Variants in TYR observed in about 807,000 individuals in gnomAD.
TYR encodes the protein tyrosinase, also known as LB24-AB.
TYR carries 58 observed loss-of-function variants against 51.5 expected under a neutral mutation model. The ratio of observed to expected loss-of-function variants is 1.13; its 90% CI spans 0.91 to 1.40. The LOEUF (loss-of-function observed/expected upper bound fraction) is 1.40, where lower values mean the gene tolerates loss of function less well. Among genes scored for constraint, TYR ranks in the 40% most tolerant of loss-of-function variants. The pLI is 0.00. For missense variants in TYR, 732 were observed against 647.4 expected (o/e 1.13, Z -1.42); for synonymous variants, 263 against 235.2 (o/e 1.12, Z -1.08).
chr11:89,230,958 G>A (rs966119544), intron 3 of TYR, among the ~76,000 whole-genome samples: 1 of 151,060 alleles, frequency 6.6e-6, no homozygotes, highest in African/African-American at 2.4e-5. Context: ...AGATCATGAG[G>A]TCAGGAGTTT....
intron 2 of TYR, among the ~76,000 whole-genome samples, chr11:89,216,875 G>A (rs938393991): frequency 2.0e-5 from 3 of 151,992 alleles, no homozygotes; most frequent in African/African-American, 4.8e-5. Flanking sequence ...TTCTTTAAAG[G>A]AATTATTTAG....
intron 3 of TYR, among the ~76,000 whole-genome samples, chr11:89,229,665 GA>G (rs1212818767): frequency 6.6e-6 from 1 of 151,908 alleles, no homozygotes; most frequent in Admixed American, 6.6e-5. Context: ...GAATTCACTG[GA>G]AAACTGTTAA....
chr11:89,224,451 CA>C (rs1380101703), intron 2 of TYR, among the ~76,000 whole-genome samples: 1 of 152,076 alleles, frequency 6.6e-6, no homozygotes, highest in African/African-American at 2.4e-5. Context: ...CTACTCAGTT[CA>C]AAAATCTTTT....
At chr11:89,243,614 A>G (rs1481377875) in intron 3 of TYR, among the ~76,000 whole-genome samples, 2 of 152,242 alleles carry the variant, frequency 1.3e-5, no homozygotes, top group African/African-American at 4.8e-5. Context: ...ACATCTTTGT[A>G]TCTGTAGTTT....
intron 2 of TYR, among the ~76,000 whole-genome samples, chr11:89,192,642 G>A (rs1348475406): frequency 1.3e-5 from 2 of 151,988 alleles, no homozygotes; most frequent in Non-Finnish European, 2.9e-5. Context: ...TTGAAGCAAG[G>A]CAAGTCTCAT....
chr11:89,182,139 G>T (rs960856096), intron 1 of TYR, among the ~76,000 whole-genome samples: 1 of 152,086 alleles, frequency 6.6e-6, no homozygotes, highest in African/African-American at 2.4e-5. Context: ...TGGTTTTCCA[G>T]CCTGTCTGTA....
chr11:89,265,054 A>C lies in TYR; in HGVS notation c.1185-19719A>C, dbSNP rs563606835. 3.3e-5 allele frequency among the ~76,000 whole-genome samples: 5 copies of C among 152,076 alleles called. No homozygotes were observed. In the East Asian group the frequency reaches 9.7e-4, roughly 30 times the overall value. On this transcript the variant is annotated intron_variant, in intron 3 of 4. Transcript: ENST00000263321. ...CCCATTAGGTAATCAGGCCTCTGAG[A>C]AGCTCATATTTTTTCAATGAGTATA... is the stretch of plus-strand genomic sequence containing the variant.
chr11:89,186,100 T>C (rs1289012282), intron 1 of TYR, among the ~76,000 whole-genome samples: 1 of 152,058 alleles, frequency 6.6e-6, no homozygotes, highest in Non-Finnish European at 1.5e-5. Flanking sequence ...ACAATCAGAG[T>C]CATGGAATGG....
chr11:89,261,505 A>G (rs1944456229), intron 3 of TYR, among the ~76,000 whole-genome samples: 1 of 152,166 alleles, frequency 6.6e-6, no homozygotes, highest in Non-Finnish European at 1.5e-5. Flanking sequence ...CAATTGCTGA[A>G]GAAGATACAA....
At chr11:89,245,643 C>T (rs1259737570) in intron 3 of TYR, among the ~76,000 whole-genome samples, 1 of 152,152 alleles carries the variant, frequency 6.6e-6, no homozygotes, top group Non-Finnish European at 1.5e-5. Flanking sequence ...GAGGAACAGG[C>T]TGGGCGTGGT....
intron 1 of TYR, among the ~76,000 whole-genome samples, chr11:89,190,505 C>A (rs569053536): frequency 6.6e-6 from 1 of 151,952 alleles, no homozygotes; most frequent in South Asian, 2.1e-4. Flanking sequence ...TACAGTTGTA[C>A]AATATGTGTT....
chr11:89,266,513 A>G (rs1417093722), intron 3 of TYR, among the ~76,000 whole-genome samples: 1 of 151,804 alleles, frequency 6.6e-6, no homozygotes, highest in Non-Finnish European at 1.5e-5. Context: ...CCCTGCCTCT[A>G]ATCCCTCCAA....
intron 4 of TYR, among the ~76,000 whole-genome samples, chr11:89,291,229 G>A (rs1944849808): frequency 6.6e-6 from 1 of 151,958 alleles, no homozygotes. Context: ...TTCAGACACT[G>A]TACCAGATTC....
At chr11:89,266,507 G>C (rs528968693) in intron 3 of TYR, among the ~76,000 whole-genome samples, 2 of 151,924 alleles carry the variant, frequency 1.3e-5, no homozygotes, top group African/African-American at 4.8e-5. Flanking sequence ...TTGGTCCCCT[G>C]CCTCTAATCC....
intron 2 of TYR, among the ~76,000 whole-genome samples, chr11:89,215,091 T>C (rs369765610): frequency 2.0e-5 from 3 of 152,228 alleles, no homozygotes; most frequent in South Asian, 4.1e-4. Flanking sequence ...ATTTGCATTC[T>C]AGTGAGGAGA....
chr11:89,260,149 TG>T lies in TYR; in HGVS notation c.1185-24623del, dbSNP rs1436919674. Among the ~76,000 whole-genome samples, 4 of 151,926 alleles carry T rather than the reference TG, an allele frequency of 2.6e-5. No homozygotes were observed. In the East Asian group the frequency reaches 5.8e-4, roughly 22 times the overall value. ...AAATAACTGGGTTAAGGCAAGGACG[TG>T]TGCAGTAGTTTCTCATCTACTATCA... On this transcript the variant is annotated intron_variant, in intron 3 of 4. Transcript: ENST00000263321.
At chr11:89,206,986 G>A (rs571325725) in intron 2 of TYR, among the ~76,000 whole-genome samples, 1 of 152,092 alleles carries the variant, frequency 6.6e-6, no homozygotes, top group East Asian at 1.9e-4. Context: ...GTGCTGAGAG[G>A]GGGAAGTATA....
chr11:89,205,422 T>A (rs181087026), intron 2 of TYR, among the ~76,000 whole-genome samples: 48 of 152,210 alleles, frequency 3.2e-4, no homozygotes, highest in African/African-American at 1.2e-3. Flanking sequence ...CCCAATTTAA[T>A]AAATCCCATA....
At chr11:89,202,420 T>A (rs1399796740) in intron 2 of TYR, among the ~76,000 whole-genome samples, 2 of 152,086 alleles carry the variant, frequency 1.3e-5, no homozygotes, top group Non-Finnish European at 2.9e-5. Flanking sequence ...TGAAGCAGTT[T>A]TTTTTTTATA....
Sources: gnomAD v4.1 joint callset for allele counts (sites outside exome capture counted in the v4.1 genomes callset) on GRCh38, gnomAD v4.1.1 for gene constraint, MANE v1.5 for transcripts, NCBI Gene and HGNC (gene_info 2026-07-23, HGNC 2026-07-21) for gene names.